CUL2: variants seen among roughly 807,000 people sequenced by gnomAD.
The protein encoded by CUL2 is cullin 2.
A neutral mutation model predicts 110.2 loss-of-function variants in CUL2; 22 were observed. The ratio of observed to expected loss-of-function variants is 0.20; its 90% CI spans 0.14 to 0.28. CUL2 has a LOEUF of 0.28. Among genes scored for constraint, CUL2 ranks in the 10% least tolerant of loss-of-function variants. CUL2 has a pLI of 1.00. For synonymous variants in CUL2, 279 were observed against 293.2 expected, an observed-to-expected ratio of 0.95 and a Z score of 0.49; for missense variants, 631 against 905.5, an observed-to-expected ratio of 0.70 and a Z score of 3.89.
intron 8 of CUL2, among the ~76,000 whole-genome samples, chr10:35,044,282 G>A (rs896452414): frequency 7.2e-5 from 11 of 151,854 alleles, no homozygotes; most frequent in African/African-American, 2.7e-4. Context: ...TGATTATTCT[G>A]CCAAGAATGT....
At chr10:35,100,874 T>G in exon 2 of CUL2, 1 of 151,026 alleles carries the variant, frequency 6.6e-6, no homozygotes, top group East Asian at 2.0e-4. Flanking sequence ...GCAATCAGGA[T>G]ACAGAAGAGT....
intron 2 of CUL2, among the ~76,000 whole-genome samples, chr10:35,063,686 A>C (rs1052381432): frequency 3.0e-4 from 45 of 151,372 alleles, no homozygotes; most frequent in Non-Finnish European, 1.0e-4. Flanking sequence ...AAGACCTGAG[A>C]CTTTACCTTT....
At chr10:35,037,879 C>T (rs920208275) in intron 9 of CUL2, among the ~76,000 whole-genome samples, 4 of 151,526 alleles carry the variant, frequency 2.6e-5, no homozygotes, top group Admixed American at 6.6e-5. Context: ...AATGGCCGGG[C>T]GCGGTGACTC....
chr10:35,098,647 C>A (rs1404959655), intron 2 of CUL2, among the ~76,000 whole-genome samples: 1 of 152,054 alleles, frequency 6.6e-6, no homozygotes, highest in Non-Finnish European at 1.5e-5. Flanking sequence ...TAAAAATAAG[C>A]AGGCGGGGCA....
chr10:35,057,816 G>C (rs918640517), intron 4 of CUL2, among the ~76,000 whole-genome samples: 1 of 149,394 alleles, frequency 6.7e-6, no homozygotes, highest in African/African-American at 2.5e-5. Context: ...GACATGGGCT[G>C]GACGCAGTGG....
intron 8 of CUL2, among the ~76,000 whole-genome samples, chr10:35,043,758 T>C (rs575155474): frequency 1.6e-4 from 25 of 152,240 alleles, no homozygotes; most frequent in African/African-American, 6.0e-4. Context: ...CAATATGTAC[T>C]GGTTTAGTGA....
chr10:35,016,844 T>G (rs1343437049), intron 17 of CUL2, among the ~76,000 whole-genome samples: 1 of 150,972 alleles, frequency 6.6e-6, no homozygotes, highest in Non-Finnish European at 1.5e-5. Flanking sequence ...GGAAAATCAC[T>G]TGAACCTGGG....
intron 5 of CUL2, 88 bp from the exon 6 acceptor site, chr10:35,049,853 A>C: frequency 1.2e-6 from 1 of 820,194 alleles, no homozygotes; most frequent in Non-Finnish European, 2.0e-6. Context: ...AAAAATACTC[A>C]TCAAAAGAAG....
intron 5 of CUL2, 137 bp from the exon 6 acceptor site, chr10:35,049,902 AC>A: frequency 1.8e-6 from 1 of 568,966 alleles, no homozygotes; most frequent in Non-Finnish European, 3.1e-6. Flanking sequence ...TAAAACCTGA[AC>A]AAAAATTTAA....
intron 1 of CUL2, among the ~76,000 whole-genome samples, chr10:35,077,092 T>C (rs1012925803): frequency 4.1e-4 from 62 of 152,140 alleles, no homozygotes; most frequent in Non-Finnish European, 1.6e-4. Context: ...GCCCTTGAAA[T>C]AGCTCAAGTG....
chr10:35,077,851 T>C (rs2086859195), intron 1 of CUL2, among the ~76,000 whole-genome samples: 1 of 151,084 alleles, frequency 6.6e-6, no homozygotes, highest in South Asian at 2.1e-4. Flanking sequence ...AAAAATAATA[T>C]TAAAAATATA....
intron 1 of CUL2, among the ~76,000 whole-genome samples, chr10:35,119,418 T>C (rs2135145068): frequency 6.6e-6 from 1 of 152,320 alleles, no homozygotes; most frequent in East Asian, 1.9e-4. Flanking sequence ...CATGTTTATC[T>C]CTGGTGGATG....
intron 1 of CUL2, among the ~76,000 whole-genome samples, chr10:35,080,745 G>A (rs571517557): frequency 4.1e-4 from 63 of 152,148 alleles, no homozygotes; most frequent in Admixed American, 1.8e-3. Flanking sequence ...GTGTGCCACC[G>A]CACCCAGCCT....
At chr10:35,107,118 G>A (rs1286093103) in intron 1 of CUL2, among the ~76,000 whole-genome samples, 1 of 152,072 alleles carries the variant, frequency 6.6e-6, no homozygotes, top group African/African-American at 2.4e-5. Flanking sequence ...GGGACTACAT[G>A]CGCCCACCAC....
In CUL2 at chr10:35,038,123, C is replaced by A. The variant is rs375958768; in HGVS notation, c.877+797G>T. On this transcript the variant is annotated intron_variant, in intron 9 of 20. Coordinates refer to ENST00000374749, the MANE Select transcript of CUL2 (RefSeq NM_003591.4). Reference sequence around the variant, plus strand: ...CAAGATCATGCCATTGCACTCCAGCCTGGGCGACGGAGCGAGACTCCATCT... The same window carrying A: ...CAAGATCATGCCATTGCACTCCAGCATGGGCGACGGAGCGAGACTCCATCT... Among the ~76,000 whole-genome samples, 3 of 152,082 alleles carry A rather than the reference C, an allele frequency of 2.0e-5. No homozygotes were observed. The East Asian group carries it at 5.8e-4, about 29-fold the overall frequency.
At position 35,033,146 on chromosome 10, in the gene CUL2, T is replaced by C. The variant is rs778562886; in HGVS notation, c.1110+20A>G. 6.9e-6 allele frequency: 10 copies of C among 1,457,508 alleles called. No homozygotes were observed. The highest frequency in any genetic ancestry group is 1.4e-5 in the African/African-American group (1 of 71,848). The allele number at this position is 1,457,508 out of a possible 1,614,324, so 90.3% of individuals were successfully genotyped here. A position where few individuals can be genotyped will look rare whatever the true frequency, so the allele number is the denominator to read the frequency against. On this transcript the variant is annotated intron_variant, in intron 11 of 20. Coordinates refer to ENST00000374749, the MANE Select transcript of CUL2 (RefSeq NM_003591.4). ...TAGAGTTTTATGTACATATATAGTA[T>C]ATATGTATTTAAAACTTACCTTATC...
intron 2 of CUL2, among the ~76,000 whole-genome samples, chr10:35,065,714 C>G (rs1438581369): frequency 2.6e-5 from 4 of 151,730 alleles, no homozygotes; most frequent in Non-Finnish European, 4.4e-5. Context: ...ACAAAATTAG[C>G]CAGGTGTGGT....
intron 1 of CUL2, among the ~76,000 whole-genome samples, chr10:35,123,486 T>TA (rs980372447): frequency 1.5e-4 from 22 of 146,282 alleles, no homozygotes; most frequent in Middle Eastern, 3.5e-3. Flanking sequence ...ATAGTGGGAA[T>TA]AAAAAAAAAA....
In CUL2 at chr10:35,054,280, T is replaced by C. The variant is rs545083921; in HGVS notation, c.423+154A>G. 3.3e-5 allele frequency among the ~76,000 whole-genome samples: 5 copies of C among 152,360 alleles called. No individual in the cohort carries two copies. The South Asian group carries it at 6.2e-4, about 19-fold the overall frequency. On this transcript the variant is annotated intron_variant, in intron 5 of 20. Coordinates refer to ENST00000374749, the MANE Select transcript of CUL2 (RefSeq NM_003591.4). ...ACATCTTTTTCGTTCCTGAGGATTCTTAGGAAATCACTATAGCATTTTATT... is the reference window on the plus strand; with the variant it reads ...ACATCTTTTTCGTTCCTGAGGATTCCTAGGAAATCACTATAGCATTTTATT...
Sources: gnomAD v4.1 joint callset for allele counts (sites outside exome capture counted in the v4.1 genomes callset) on GRCh38, gnomAD v4.1.1 for gene constraint, MANE v1.5 for transcripts, NCBI Gene and HGNC (gene_info 2026-07-23, HGNC 2026-07-21) for gene names.